Variants in GRIK1 observed in about 807,000 individuals in gnomAD.
GRIK1 encodes the protein glutamate ionotropic receptor kainate type subunit 1.
In GRIK1, 69 loss-of-function variants were observed where a neutral mutation model predicts 105.7. The ratio of observed to expected loss-of-function variants is 0.65; its 90% CI spans 0.54 to 0.80. The LOEUF is 0.80. Ranked by LOEUF, GRIK1 falls within the 30% of genes least tolerant of loss-of-function variation. GRIK1 has a pLI of 0.00. For synonymous variants in GRIK1, 438 were observed against 431.3 expected (o/e 1.02, Z -0.19); for missense variants, 1,109 against 1,167.3 (o/e 0.95, Z 0.73).
chr21:29,643,289 G>A (rs187671072), intron 6 of GRIK1, among the ~76,000 whole-genome samples: 2 of 152,288 alleles, frequency 1.3e-5, no homozygotes, highest in African/African-American at 2.4e-5. Context: ...ATGGTGTTAA[G>A]ATCAACTACC....
intron 1 of GRIK1, among the ~76,000 whole-genome samples, chr21:29,784,371 A>C (rs8129242): frequency 0.4 from 60,612 of 152,042 alleles, 14,999 homozygotes; most frequent in African/African-American, 0.71. Flanking sequence ...CTGACAGATA[A>C]TAATATTGAC....
intron 1 of GRIK1, among the ~76,000 whole-genome samples, chr21:29,732,545 G>A (rs550422253): frequency 1.1e-4 from 17 of 152,200 alleles, no homozygotes; most frequent in African/African-American, 3.9e-4. Context: ...TAATTTTTGA[G>A]TTGTATTAAG....
chr21:29,738,605 G>T (rs1601569957), intron 1 of GRIK1, among the ~76,000 whole-genome samples: 1 of 152,166 alleles, frequency 6.6e-6, no homozygotes, highest in South Asian at 2.1e-4. Context: ...ACAAAGCAAC[G>T]ACTTTTTCTT....
At chr21:29,589,586 T>A (rs1440130810) in intron 10 of GRIK1, among the ~76,000 whole-genome samples, 1 of 102,092 alleles carries the variant, frequency 9.8e-6, no homozygotes, top group Non-Finnish European at 1.8e-5. Flanking sequence ...CACGCCTGAC[T>A]ATTTTTTTGT....
At chr21:29,552,325 C>T (rs996881724) in intron 16 of GRIK1, among the ~76,000 whole-genome samples, 1 of 152,118 alleles carries the variant, frequency 6.6e-6, no homozygotes, top group Admixed American at 6.5e-5. Flanking sequence ...CTCTCTTATT[C>T]ACTAGTGAGG....
intron 16 of GRIK1, among the ~76,000 whole-genome samples, chr21:29,541,573 G>GTTTTTTTTTTT (rs1202014711): frequency 3.7e-4 from 31 of 83,706 alleles, no homozygotes; most frequent in African/African-American, 2.0e-3. Flanking sequence ...TGCACTCACG[G>GTTTTTTTTTTT]TCTTTTTTTT....
At chr21:29,863,029 T>A (rs908242937) in intron 1 of GRIK1, among the ~76,000 whole-genome samples, 1 of 152,226 alleles carries the variant, frequency 6.6e-6, no homozygotes, top group Non-Finnish European at 1.5e-5. Flanking sequence ...TGACAGTACC[T>A]GTGTATTTAT....
At chr21:29,622,865 A>G (rs569955534) in intron 7 of GRIK1, among the ~76,000 whole-genome samples, 1 of 152,296 alleles carries the variant, frequency 6.6e-6, no homozygotes, top group Non-Finnish European at 1.5e-5. Flanking sequence ...ATGTGAATCC[A>G]TAATTTACTA....
In GRIK1 at chr21:29,930,337, G is replaced by C. The variant is rs183638338; in HGVS notation, c.118+9046C>G. 2.0e-5 allele frequency among the ~76,000 whole-genome samples: 3 copies of C among 152,250 alleles called. No homozygotes were observed. In the East Asian group the frequency reaches 5.8e-4, roughly 29 times the overall value. ...CAACATCTGTTTACGGATTACTAAA[G>C]TATGTAATCCAACATTTTAGAAGTT... On this transcript the variant is annotated intron_variant, in intron 1 of 17. Coordinates refer to ENST00000327783, the MANE Select transcript of GRIK1 (RefSeq NM_001330994.2).
At chr21:29,694,338 G>T (rs760120261) in intron 1 of GRIK1, among the ~76,000 whole-genome samples, 5 of 151,918 alleles carry the variant, frequency 3.3e-5, no homozygotes, top group Non-Finnish European at 2.9e-5. Context: ...TGGCCAGGCT[G>T]GTCTCGAACT....
intron 16 of GRIK1, among the ~76,000 whole-genome samples, chr21:29,550,520 T>G (rs1280455713): frequency 2.6e-5 from 4 of 152,194 alleles, no homozygotes; most frequent in African/African-American, 9.7e-5. Flanking sequence ...AAATTACCAT[T>G]GTCATGCCCC....
rs543250154 is a variant in GRIK1, at chr21:29,918,163, A to G, written c.118+21220T>C. ...ACTCAAAAATGGGCATAATGTTGAC[A>G]GGAGTTACTACTTAGAATTACTAAG... On this transcript the variant is annotated intron_variant, in intron 1 of 17. Transcript: ENST00000327783. 9.3e-4 allele frequency among the ~76,000 whole-genome samples: 141 copies of G among 152,240 alleles called. 1 individual carries two copies. The highest frequency in any genetic ancestry group is 3.2e-3 in the African/African-American group (135 of 41,566).
In GRIK1 at chr21:29,939,270, C is replaced by G. The variant is rs1049487055; in HGVS notation, c.118+113G>C. The stretch of plus-strand genomic sequence containing the variant: ...TCCCATGAGCACTGACCTCCACCTT[C>G]CCCAGCTCCGGCTCCTGCGCCGCCG... On this transcript the variant is annotated intron_variant, in intron 1 of 17. Transcript: ENST00000327783. 8.3e-5 allele frequency: 55 copies of G among 660,606 alleles called. No individual in the cohort carries two copies. The African/African-American group carries it at 9.7e-4, about 12-fold the overall frequency. The allele number at this position is 660,606 out of a possible 1,614,324, so 40.9% of individuals were successfully genotyped here. A position where few individuals can be genotyped will look rare whatever the true frequency, so the allele number is the denominator to read the frequency against.
intron 1 of GRIK1, among the ~76,000 whole-genome samples, chr21:29,868,378 A>G (rs1023901590): frequency 3.3e-5 from 5 of 152,200 alleles, no homozygotes; most frequent in Non-Finnish European, 5.9e-5. Context: ...TTAAAAACAA[A>G]CAAACCTCTG....
At chr21:29,701,551 C>T (rs1880354066) in intron 1 of GRIK1, among the ~76,000 whole-genome samples, 1 of 152,108 alleles carries the variant, frequency 6.6e-6, no homozygotes, top group African/African-American at 2.4e-5. Context: ...AGGGCCATCA[C>T]AGGGCTGTGG....
chr21:29,922,913 C>T (rs979285285), intron 1 of GRIK1, among the ~76,000 whole-genome samples: 26 of 152,254 alleles, frequency 1.7e-4, no homozygotes, highest in African/African-American at 5.8e-4. Context: ...TAAGACCAGA[C>T]TGCAGAACAT....
At chr21:29,655,730 A>T (rs1179858558) in intron 4 of GRIK1, among the ~76,000 whole-genome samples, 1 of 152,104 alleles carries the variant, frequency 6.6e-6, no homozygotes, top group Non-Finnish European at 1.5e-5. Flanking sequence ...AAGGATAGGG[A>T]CTATTCTGAC....
At chr21:29,771,755 G>A (rs2065819038) in intron 1 of GRIK1, among the ~76,000 whole-genome samples, 1 of 152,190 alleles carries the variant, frequency 6.6e-6, no homozygotes, top group South Asian at 2.1e-4. Context: ...CACCCAGTAA[G>A]CACCTTTTGG....
At position 29,616,272 on chromosome 21, in the gene GRIK1, G is replaced by C. The variant is rs115167663; in HGVS notation, c.1099-17335C>G. On this transcript the variant is annotated intron_variant, in intron 7 of 17. Transcript: ENST00000327783. ...AGACTGACTGAACCCATCTCTTGAGGGATACGGTACTCTCTTGTCCATCAA... is the reference window on the plus strand; with the variant it reads ...AGACTGACTGAACCCATCTCTTGAGCGATACGGTACTCTCTTGTCCATCAA... Among the ~76,000 whole-genome samples, 771 of 152,066 alleles carry C rather than the reference G, an allele frequency of 5.1e-3. 8 individuals carry two copies. The highest frequency in any genetic ancestry group is 0.018 in the African/African-American group (729 of 41,462).
Sources: allele counts gnomAD v4.1 joint callset (sites outside exome capture counted in the v4.1 genomes callset), GRCh38; gene constraint gnomAD v4.1.1; transcripts MANE v1.5; gene names NCBI Gene and HGNC (gene_info 2026-07-23, HGNC 2026-07-21).